The following RXRA variants were observed in gnomAD, a reference collection of about 807,000 sequenced individuals.
RXRA encodes retinoid X receptor alpha.
RXRA carries 5 observed loss-of-function variants against 44.5 expected under a neutral mutation model. The observed-to-expected ratio is 0.11, with a 90% confidence interval of 0.06 to 0.24. The LOEUF (loss-of-function observed/expected upper bound fraction) is 0.24. Ranked by LOEUF, RXRA falls within the 10% of genes least tolerant of loss-of-function variation. RXRA has a pLI of 1.00. For missense variants in RXRA, 412 were observed against 646.5 expected, an observed-to-expected ratio of 0.64 and a Z score of 3.93; for synonymous variants, 291 against 271.4, an observed-to-expected ratio of 1.07 and a Z score of -0.71.
chr9:134,350,914 C>T (rs1395303601), intron 1 of RXRA, among the ~76,000 whole-genome samples: 2 of 152,236 alleles, frequency 1.3e-5, no homozygotes, highest in East Asian at 1.9e-4. Flanking sequence ...GTCAGCACCT[C>T]GGCTGTGTGA....
intron 9 of RXRA, among the ~76,000 whole-genome samples, chr9:134,434,542 C>G (rs1588312075): frequency 6.6e-6 from 1 of 152,332 alleles, no homozygotes; most frequent in African/African-American, 2.4e-5. Context: ...CAGGCGACAC[C>G]AGCACATAGT....
rs776552908 is a variant in RXRA at position 134,417,744 on chromosome 9, C to T, written c.780+417C>T. ...GCCGAGCCCCCAGCAAGAGGCTCTGCAGGTTGGTTCCAGGGCTGGCTCTGC... is the reference window on the plus strand; with the variant it reads ...GCCGAGCCCCCAGCAAGAGGCTCTGTAGGTTGGTTCCAGGGCTGGCTCTGC... On this transcript the variant is annotated intron_variant, in intron 5 of 9. Transcript: ENST00000481739. The surrounding 1 kb of genome is among the most constrained non-coding windows in gnomAD (Gnocchi z 6.1). Among the ~76,000 whole-genome samples, 28 of 152,164 alleles carry T rather than the reference C, an allele frequency of 1.8e-4. No individual in the cohort carries two copies. The highest frequency in any genetic ancestry group is 5.9e-4 in the Admixed American group (9 of 15,286).
intron 5 of RXRA, among the ~76,000 whole-genome samples, chr9:134,420,716 C>G (rs901654414): frequency 6.6e-6 from 1 of 152,218 alleles, no homozygotes; most frequent in Non-Finnish European, 1.5e-5. Context: ...ATTCCTGCAG[C>G]GGCACCACTG....
intron 1 of RXRA, among the ~76,000 whole-genome samples, chr9:134,353,792 C>T (rs944220004): frequency 6.6e-5 from 10 of 152,300 alleles, no homozygotes; most frequent in Admixed American, 1.3e-4. Context: ...CCGTTGGGGC[C>T]GTGCCTGTTG....
At chr9:134,423,128 T>C (rs920214335) in intron 6 of RXRA, 2 of 985,044 alleles carry the variant, frequency 2.0e-6, no homozygotes, top group Admixed American at 6.1e-5. Flanking sequence ...GGAAAGGGGG[T>C]GTGAGGGGCG....
intron 1 of RXRA, among the ~76,000 whole-genome samples, chr9:134,329,109 C>A (rs961291195): frequency 6.6e-6 from 1 of 152,270 alleles, no homozygotes; most frequent in Non-Finnish European, 1.5e-5. Context: ...TCAGACCACA[C>A]CAGACCCCAT....
chr9:134,358,957 A>G (rs1419939374), intron 1 of RXRA, among the ~76,000 whole-genome samples: 1 of 152,128 alleles, frequency 6.6e-6, no homozygotes, highest in Admixed American at 6.5e-5. Context: ...GATTTTCATT[A>G]AGCGTTGCGC....
chr9:134,376,820 C>T (rs959987106), intron 1 of RXRA, among the ~76,000 whole-genome samples: 2 of 152,218 alleles, frequency 1.3e-5, no homozygotes, highest in African/African-American at 4.8e-5. Context: ...CTGGCTGGGC[C>T]TGCAGGCTGC....
intron 5 of RXRA, among the ~76,000 whole-genome samples, chr9:134,419,407 G>A (rs965458706): frequency 6.6e-6 from 1 of 152,196 alleles, no homozygotes; most frequent in African/African-American, 2.4e-5. Context: ...GGGGATAAAG[G>A]ACACGTCTTC....
intron 1 of RXRA, among the ~76,000 whole-genome samples, chr9:134,400,621 C>T (rs921002425): frequency 6.6e-6 from 1 of 152,202 alleles, no homozygotes; most frequent in East Asian, 1.9e-4. Context: ...CTGCTCAGGC[C>T]CATGGGCAGT....
At chr9:134,391,861 G>A (rs886314268) in intron 1 of RXRA, among the ~76,000 whole-genome samples, 9 of 152,224 alleles carry the variant, frequency 5.9e-5, no homozygotes, top group African/African-American at 1.7e-4. Flanking sequence ...GAAACATCTC[G>A]CCTCCTTGAG....
intron 1 of RXRA, among the ~76,000 whole-genome samples, chr9:134,360,667 G>A (rs898078647): frequency 1.2e-4 from 18 of 152,238 alleles, no homozygotes; most frequent in Admixed American, 9.2e-4. Flanking sequence ...GGGGGACATG[G>A]TGGCCACAGG....
At chr9:134,389,946 G>T (rs1273652445) in intron 1 of RXRA, among the ~76,000 whole-genome samples, 1 of 152,182 alleles carries the variant, frequency 6.6e-6, no homozygotes, top group Admixed American at 6.5e-5. Context: ...GTTCACCCTC[G>T]CATCTGCAGG....
At chr9:134,339,753 G>A (rs564912036) in intron 1 of RXRA, among the ~76,000 whole-genome samples, 6,613 of 150,030 alleles carry the variant, frequency 0.044, 491 homozygotes, top group African/African-American at 0.15. Context: ...GAGATCCCGT[G>A]TGTGTCTGTG....
At chr9:134,344,029 C>T (rs1293783806) in intron 1 of RXRA, among the ~76,000 whole-genome samples, 2 of 152,188 alleles carry the variant, frequency 1.3e-5, no homozygotes, top group African/African-American at 4.8e-5. Flanking sequence ...CCTATGTGGC[C>T]CTACCTCTGT....
In RXRA at chr9:134,426,337, C is replaced by T. The variant is rs1263070571; in HGVS notation, c.911-2771C>T. On this transcript the variant is annotated intron_variant, in intron 6 of 9. Coordinates refer to ENST00000481739, the MANE Select transcript of RXRA (RefSeq NM_002957.6). The surrounding 1 kb of genome is among the most constrained non-coding windows in gnomAD (Gnocchi z 4.6). ...AGCACTTAGGAAGGTGAAGACACCC[C>T]AAAGGTTACTGTAAAGTGGGTTCCT... is the stretch of plus-strand genomic sequence containing the variant. The T allele has an allele frequency of 2.0e-6, 2 of 985,286 alleles. No individual in the cohort carries two copies. Among genetic ancestry groups the T allele is most frequent in the Non-Finnish European group, 1.2e-6 (1 of 829,924 alleles). 61.0% of individuals were successfully genotyped at this position (985,286 alleles called of 1,614,324 possible).
chr9:134,382,081 GA>G (rs1830655043), intron 1 of RXRA, among the ~76,000 whole-genome samples: 1 of 151,920 alleles, frequency 6.6e-6, no homozygotes, highest in African/African-American at 2.4e-5. Flanking sequence ...CTGTAATGAG[GA>G]CCCTCCCACC....
intron 1 of RXRA, among the ~76,000 whole-genome samples, chr9:134,382,442 G>A (rs1830660701): frequency 2.0e-5 from 3 of 152,278 alleles, no homozygotes; most frequent in South Asian, 4.1e-4. Context: ...CGGGGCCAGG[G>A]CAGCTGGTAG....
chr9:134,349,209 C>A lies in RXRA; in HGVS notation c.28+22550C>A, dbSNP rs1554749163. Reference sequence around the variant, plus strand: ...AGAAGGGTCTGGCTGGGCCTGCAGACCCCAACTCCCTGCACCAGCCTGGCC... The same window carrying A: ...AGAAGGGTCTGGCTGGGCCTGCAGAACCCAACTCCCTGCACCAGCCTGGCC... On this transcript the variant is annotated intron_variant, in intron 1 of 9. Coordinates refer to ENST00000481739, the MANE Select transcript of RXRA (RefSeq NM_002957.6). This position sits in a 1 kb window ranked among gnomAD's most constrained non-coding sequence, Gnocchi z 4.3. 1.3e-5 allele frequency among the ~76,000 whole-genome samples: 2 copies of A among 152,200 alleles called. No individual in the cohort carries two copies. Among genetic ancestry groups the A allele is most frequent in the Non-Finnish European group, 2.9e-5 (2 of 68,028 alleles).
Sources: allele counts gnomAD v4.1 joint callset (sites outside exome capture counted in the v4.1 genomes callset), GRCh38; gene constraint gnomAD v4.1.1; non-coding constraint Gnocchi (gnomAD v3.1); transcripts MANE v1.5; gene names NCBI Gene and HGNC (gene_info 2026-07-23, HGNC 2026-07-21).